Variants in CTNNA2 observed in about 807,000 individuals in gnomAD.
The protein encoded by CTNNA2 is catenin alpha-2.
CTNNA2 carries 42 observed loss-of-function variants against 101.0 expected under a neutral mutation model. The observed-to-expected ratio is 0.42, with a 90% CI of 0.32 to 0.54. The LOEUF is 0.54. Ranked by LOEUF, CTNNA2 falls within the 20% of genes least tolerant of loss-of-function variation. CTNNA2 has a pLI of 0.14. For synonymous variants in CTNNA2, 450 were observed against 456.4 expected (o/e 0.99, Z 0.18); for missense variants, 871 against 1,223.1 (o/e 0.71, Z 4.29).
chr2:79,187,485 C>G (rs750800427), intron 1 of CTNNA2, among the ~76,000 whole-genome samples: 2 of 151,802 alleles, frequency 1.3e-5, no homozygotes, highest in African/African-American at 2.4e-5. Context: ...AAATGTGTAA[C>G]TAATAATAAA....
chr2:80,127,114 G>A (rs191279908), intron 7 of CTNNA2, among the ~76,000 whole-genome samples: 5 of 152,318 alleles, frequency 3.3e-5, no homozygotes, highest in African/African-American at 1.2e-4. Context: ...GACCTTGCAA[G>A]TTAGTCAGGT....
intron 7 of CTNNA2, among the ~76,000 whole-genome samples, chr2:80,164,111 T>G (rs931723584): frequency 6.6e-6 from 1 of 151,986 alleles, no homozygotes; most frequent in South Asian, 2.1e-4. Context: ...TCTTCTAATA[T>G]ATACGTTTTA....
intron 3 of CTNNA2, among the ~76,000 whole-genome samples, chr2:79,756,066 GA>G (rs1369777914): frequency 9.0e-6 from 1 of 111,696 alleles, no homozygotes; most frequent in African/African-American, 2.9e-5. Context: ...GAGGGCCCAG[GA>G]GTACTTCAGG....
intron 3 of CTNNA2, among the ~76,000 whole-genome samples, chr2:79,782,476 A>G (rs1348312698): frequency 1.3e-5 from 2 of 152,106 alleles, no homozygotes. Flanking sequence ...ACCTCAGGTG[A>G]TCTGCCTGCC....
chr2:79,413,324 T>A (rs1367763994), intron 4 of CTNNA2, among the ~76,000 whole-genome samples: 1 of 152,094 alleles, frequency 6.6e-6, no homozygotes, highest in Non-Finnish European at 1.5e-5. Flanking sequence ...TTTTTGTGCC[T>A]GTCTTATTTA....
chr2:80,267,470 A>G (rs1319290061), intron 7 of CTNNA2, among the ~76,000 whole-genome samples: 1 of 152,202 alleles, frequency 6.6e-6, no homozygotes, highest in African/African-American at 2.4e-5. Context: ...ATTTTCTTCT[A>G]TCCATGCATT....
At chr2:79,644,611 C>T (rs1276357033) in intron 1 of CTNNA2, among the ~76,000 whole-genome samples, 2 of 152,210 alleles carry the variant, frequency 1.3e-5, no homozygotes, top group East Asian at 1.9e-4. Context: ...GCTTTACAGC[C>T]AGCATCCTAC....
intron 2 of CTNNA2, among the ~76,000 whole-genome samples, chr2:79,681,966 G>C (rs1433523907): frequency 1.3e-5 from 2 of 152,136 alleles, no homozygotes; most frequent in African/African-American, 4.8e-5. Flanking sequence ...ACGAAGTGGA[G>C]TTACCATTCA....
intron 9 of CTNNA2, among the ~76,000 whole-genome samples, chr2:80,431,273 C>G (rs1040544458): frequency 1.3e-5 from 2 of 152,164 alleles, no homozygotes; most frequent in African/African-American, 4.8e-5. Flanking sequence ...TGGGTATGTA[C>G]TTTCAACCCT....
At chr2:80,224,342 C>A (rs1460223467) in intron 7 of CTNNA2, among the ~76,000 whole-genome samples, 1 of 152,156 alleles carries the variant, frequency 6.6e-6, no homozygotes, top group African/African-American at 2.4e-5. Context: ...GTCTTAGAGT[C>A]GGGAATGACA....
rs906754443 is a variant in CTNNA2, at chr2:80,645,174, T to C, written c.2575-2411T>C. 3.9e-5 allele frequency among the ~76,000 whole-genome samples: 6 copies of C among 152,182 alleles called. No individual in the cohort carries two copies. The East Asian group carries it at 9.6e-4, about 24-fold the overall frequency. ...CCCTTTATTTACTCATAGCATGCGA[T>C]AGAATTAACTAATTTTATGAATTAA... is the stretch of plus-strand genomic sequence containing the variant. On this transcript the variant is annotated intron_variant, in intron 18 of 18. Coordinates refer to ENST00000402739, the MANE Select transcript of CTNNA2 (RefSeq NM_001282597.3).
chr2:79,202,335 A>T (rs72915139), intron 2 of CTNNA2, among the ~76,000 whole-genome samples: 28,510 of 113,482 alleles, frequency 0.25, 3,041 homozygotes, highest in African/African-American at 0.34. Flanking sequence ...TTGTTTTTTT[A>T]TTTTTTTTAT....
At chr2:80,399,894 G>A (rs139453445) in intron 8 of CTNNA2, among the ~76,000 whole-genome samples, 1 of 152,292 alleles carries the variant, frequency 6.6e-6, no homozygotes, top group African/African-American at 2.4e-5. Flanking sequence ...AAATAACAAA[G>A]ATTGTTTCAT....
chr2:80,159,049 T>G (rs1704150741), intron 7 of CTNNA2, among the ~76,000 whole-genome samples: 1 of 152,188 alleles, frequency 6.6e-6, no homozygotes, highest in South Asian at 2.1e-4. Context: ...TTGAAGGACA[T>G]GTGGGTTGTT....
chr2:79,243,543 G>A (rs532580454), intron 2 of CTNNA2, among the ~76,000 whole-genome samples: 2 of 152,248 alleles, frequency 1.3e-5, no homozygotes, highest in Admixed American at 6.5e-5. Flanking sequence ...CCCCTTCCAC[G>A]TACCAGGTAT....
intron 1 of CTNNA2, among the ~76,000 whole-genome samples, chr2:79,607,369 T>C (rs1309539535): frequency 6.6e-6 from 1 of 152,132 alleles, no homozygotes; most frequent in Non-Finnish European, 1.5e-5. Context: ...AGCGGGGACA[T>C]AGAAGACTTG....
chr2:79,715,203 G>A (rs1398135271), intron 2 of CTNNA2, among the ~76,000 whole-genome samples: 6 of 56,858 alleles, frequency 1.1e-4, no homozygotes, highest in Admixed American at 2.1e-4. Context: ...GCAAAATTCC[G>A]TCAAAAAAAA....
chr2:80,002,112 CTT>C lies in CTNNA2; in HGVS notation c.1056+92317_1056+92318del, dbSNP rs147180905. Among the ~76,000 whole-genome samples, 453 of 152,234 alleles carry C rather than the reference CTT, an allele frequency of 3.0e-3. 2 individuals are homozygous for C. The highest frequency in any genetic ancestry group is 0.01 in the African/African-American group (420 of 41,548). On this transcript the variant is annotated intron_variant, in intron 7 of 18. Coordinates refer to ENST00000402739, the MANE Select transcript of CTNNA2 (RefSeq NM_001282597.3). ...CAAAAGGTTCTATGGCTCAGACAGA[CTT>C]TGTGATGTTATTCTTTAAGAAATGC...
At chr2:80,608,574 G>T in intron 17 of CTNNA2, 2 of 296,046 alleles carry the variant, frequency 6.8e-6, no homozygotes, top group Non-Finnish European at 1.3e-5. Context: ...TTGTAGTCTG[G>T]AAACTCATTG....
Sources: gnomAD v4.1 joint callset for allele counts (sites outside exome capture counted in the v4.1 genomes callset) on GRCh38, gnomAD v4.1.1 for gene constraint, MANE v1.5 for transcripts, NCBI Gene and HGNC (gene_info 2026-07-23, HGNC 2026-07-21) for gene names.